The following THSD1 variants were observed in gnomAD, a reference collection of about 807,000 sequenced individuals.
THSD1 encodes the protein thrombospondin type 1 domain containing 1, also known as thrombospondin type-1 domain-containing protein 1.
A neutral mutation model predicts 46.3 loss-of-function variants in THSD1; 34 were observed. The observed-to-expected ratio is 0.74, with a 90% CI of 0.56 to 0.98. The LOEUF (loss-of-function observed/expected upper bound fraction) is 0.98, where lower values mean the gene tolerates loss of function less well. Ranked by LOEUF, THSD1 falls within the 50% of genes least tolerant of loss-of-function variation. THSD1 has a pLI of 0.00. For missense variants in THSD1, 1,023 were observed against 1,058.3 expected (o/e 0.97, Z 0.46); for synonymous variants, 407 against 416.5 (o/e 0.98, Z 0.28).
At chr13:52,400,662 G>A (rs1027096025) in intron 2 of THSD1, among the ~76,000 whole-genome samples, 3 of 152,074 alleles carry the variant, frequency 2.0e-5, no homozygotes, top group East Asian at 1.9e-4. Context: ...CCTGACTACT[G>A]TAATATACAG....
At chr13:52,380,042 C>T (rs914130485) in intron 4 of THSD1, among the ~76,000 whole-genome samples, 13 of 152,132 alleles carry the variant, frequency 8.5e-5, no homozygotes, top group Non-Finnish European at 2.9e-5. Context: ...CATTCTCTCT[C>T]TTCTATTTTC....
At position 52,386,291 on chromosome 13, in the gene THSD1, C is replaced by T. The variant is rs1957730192; in HGVS notation, c.1022-105G>A. 5 of 1,248,524 alleles carry T rather than the reference C, an allele frequency of 4.0e-6. No homozygotes were observed. The Admixed American group carries it at 1.1e-4, about 26-fold the overall frequency. 77.3% of individuals were successfully genotyped at this position (1,248,524 alleles called of 1,614,324 possible). On this transcript the variant is annotated intron_variant, in intron 3 of 4. Transcript: ENST00000258613. ...ACTCAAATCTCAGGTCTTGAAAAGC[C>T]CGTGAGTTAAAGCGTTCCCAGAGAT...
intron 4 of THSD1, among the ~76,000 whole-genome samples, chr13:52,384,821 G>C (rs1169190246): frequency 7.2e-5 from 11 of 151,936 alleles, no homozygotes; most frequent in Admixed American, 7.2e-4. Context: ...AAAGAAAAGA[G>C]CAGACAGAGA....
In THSD1 at chr13:52,377,602, G is replaced by A. The variant is rs1243021576; in HGVS notation, c.2368C>T (p.Leu790=). 4 of 1,604,720 alleles carry A rather than the reference G, an allele frequency of 2.5e-6. No individual in the cohort carries two copies. The change falls in exon 5 of 5, where the codon CTG becomes TTG. Residue 790 remains leucine, a synonymous_variant. Transcript: ENST00000258613. ...TCTTTTCTACACTGAGAAGGGCTCA[G>A]AGAACTGACCCTCTGGTAGTTATCT... ...PKDNYQRVSS[L]SPSQCRKDKC...
intron 4 of THSD1, among the ~76,000 whole-genome samples, chr13:52,379,554 A>G (rs1245831135): frequency 6.6e-6 from 1 of 151,764 alleles, no homozygotes; most frequent in Admixed American, 6.6e-5. Flanking sequence ...TCACTGCAAC[A>G]ACTTCCGCCT....
chr13:52,377,760 T>G lies in THSD1; in HGVS notation c.2210A>C (p.Lys737Thr), dbSNP rs375729189. 5.0e-6 allele frequency: 8 copies of G among 1,613,990 alleles called. No individual in the cohort carries two copies. In the African/African-American group the frequency reaches 9.3e-5, roughly 19 times the overall value. ...TGCCTGGTGATCCCCAAGGTCTGGT[T>G]TCCTCAAGGGCTGCCCCAAAGTGTA... is the stretch of plus-strand genomic sequence containing the variant. ...KSYTLGQPLR[K>T]PDLGDHQAGL... The change falls in exon 5 of 5, where the codon AAA becomes ACA. Residue 737 changes from lysine (K) to threonine (T), a missense_variant. Physicochemically the swap from Lys to Thr is moderately conservative, Grantham distance 78. Coordinates refer to ENST00000258613, the MANE Select transcript of THSD1 (RefSeq NM_018676.4).
Position 52,377,926 on chromosome 13 carries a change from T to C in THSD1, c.2044A>G (p.Ser682Gly). ...TLTPRQAPAY[S>G]SRTRTCEQAE... ...TGCTCGCAGGTCCGCGTCCTAGAGC[T>C]GTAGGCAGGGGCCTGCCGTGGAGTC... Residue 682 changes from serine (S) to glycine (G), a missense_variant, in exon 5 of 5, where the codon AGC becomes GGC. Physicochemically the swap from Ser to Gly is moderately conservative, Grantham distance 56 (BLOSUM62 0). Coordinates refer to ENST00000258613, the MANE Select transcript of THSD1 (RefSeq NM_018676.4). 11 of 1,614,152 alleles carry C rather than the reference T, an allele frequency of 6.8e-6. No individual in the cohort carries two copies. Among genetic ancestry groups the C allele is most frequent in the Non-Finnish European group, 9.3e-6 (11 of 1,180,038 alleles).
In THSD1 at chr13:52,402,697, C is replaced by G. The variant is rs1242710660; in HGVS notation, c.-81-16G>C. ...CCAAAAACACCTGAAATTAGAACCTCAAAAAATGATGGCTCCGTTCAATGT... is the reference window on the plus strand; with the variant it reads ...CCAAAAACACCTGAAATTAGAACCTGAAAAAATGATGGCTCCGTTCAATGT... On this transcript the variant is annotated splice_polypyrimidine_tract_variant and intron_variant, in intron 1 of 4. Transcript: ENST00000258613. The G allele has an allele frequency of 6.4e-7, 1 of 1,550,458 alleles. No individual in the cohort carries two copies. The highest frequency in any genetic ancestry group is 1.4e-5 in the African/African-American group (1 of 72,612).
Position 52,378,413 on chromosome 13 carries a change from G to T in THSD1, c.1557C>A (p.Asn519Lys). The change falls in exon 5 of 5, where the codon AAC (asparagine) becomes AAA (lysine). Residue 519 changes from asparagine to lysine, a missense_variant. By Grantham distance (94) the Asn-to-Lys change is moderately conservative (BLOSUM62 0). Coordinates refer to ENST00000258613, the MANE Select transcript of THSD1 (RefSeq NM_018676.4). ...ACAGAGGTGGGATTATCTTCTGGGCGTTGGACTGGAAGCTCTCGCTGCCAG... is the reference window on the plus strand; with the variant it reads ...ACAGAGGTGGGATTATCTTCTGGGCTTTGGACTGGAAGCTCTCGCTGCCAG... ...DASGSESFQSNAQKIIPPLFS... is the reference protein window; with the variant it reads ...DASGSESFQSKAQKIIPPLFS... 6.2e-7 allele frequency: 1 copy of T among 1,614,076 alleles called. No homozygotes were observed. The highest frequency in any genetic ancestry group is 1.1e-5 in the South Asian group (1 of 91,076).
At chr13:52,379,254 A>C (rs1308021067) in intron 4 of THSD1, among the ~76,000 whole-genome samples, 1 of 152,186 alleles carries the variant, frequency 6.6e-6, no homozygotes, top group East Asian at 1.9e-4. Context: ...GAATGATGGA[A>C]AATAAACAAG....
At chr13:52,393,567 A>G (rs1488549791) in intron 3 of THSD1, among the ~76,000 whole-genome samples, 1 of 152,188 alleles carries the variant, frequency 6.6e-6, no homozygotes, top group Non-Finnish European at 1.5e-5. Context: ...CTGAGGCAGG[A>G]GAATTGCTAG....
At position 52,397,700 on chromosome 13, in the gene THSD1, G is replaced by T. The variant is rs1354431196; in HGVS notation, c.553C>A (p.Pro185Thr). 6.2e-7 allele frequency: 1 copy of T among 1,614,170 alleles called. No individual in the cohort carries two copies. Among genetic ancestry groups the T allele is most frequent in the African/African-American group, 1.3e-5 (1 of 75,038 alleles). Reference sequence around the variant, plus strand: ...CTTTTGCTGGTTCTTATTTCCAGCGGCTGTCTTGAATTTCTTCTTGCCTCA... The same window carrying T: ...CTTTTGCTGGTTCTTATTTCCAGCGTCTGTCTTGAATTTCTTCTTGCCTCA... ...LPEARRNSRQ[P>T]LEIRTSKRTE... The change falls in exon 3 of 5, where the codon CCG becomes ACG. Residue 185 changes from proline (P) to threonine (T), a missense_variant. Pro to Thr is a conservative substitution (Grantham distance 38, BLOSUM62 -1). Coordinates refer to ENST00000258613, the MANE Select transcript of THSD1 (RefSeq NM_018676.4).
intron 2 of THSD1, among the ~76,000 whole-genome samples, chr13:52,400,351 A>G (rs563728544): frequency 7.9e-5 from 12 of 152,166 alleles, no homozygotes; most frequent in Non-Finnish European, 1.5e-4. Context: ...TAATCTCAGC[A>G]CTTTGGGAGG....
Position 52,377,200 on chromosome 13 carries a change from ACTAATAAATCAATAGAAATT to A in THSD1, c.*191_*210del. The A allele has an allele frequency of 7.7e-7, 1 of 1,294,406 alleles. No homozygotes were observed. 80.2% of individuals were successfully genotyped at this position (1,294,406 alleles called of 1,614,324 possible). On this transcript the variant is annotated 3_prime_UTR_variant, in exon 5 of 5. Coordinates refer to ENST00000258613, the MANE Select transcript of THSD1 (RefSeq NM_018676.4). ...TTTACATTTTATTATCATTGTTATT[ACTAATAAATCAATAGAAATT>A]GAATAACAAAGGAAAAAGCTCAAGA...
intron 3 of THSD1, among the ~76,000 whole-genome samples, chr13:52,396,165 A>G (rs773723830): frequency 6.6e-6 from 1 of 152,166 alleles, no homozygotes; most frequent in Non-Finnish European, 1.5e-5. Flanking sequence ...ATTTGCAGCA[A>G]GGAACACTGG....
chr13:52,379,602 G>C (rs1957675728), intron 4 of THSD1, among the ~76,000 whole-genome samples: 1 of 152,078 alleles, frequency 6.6e-6, no homozygotes, highest in South Asian at 2.1e-4. Flanking sequence ...AGCCTCCTGA[G>C]TAGCTGGAAC....
intron 3 of THSD1, 119 bp downstream of exon 3, chr13:52,397,113 T>C (rs375161018): frequency 1.1e-6 from 1 of 902,974 alleles, no homozygotes. Context: ...AATTGGTACA[T>C]TATAAGGCAT....
Position 52,378,242 on chromosome 13 carries a change from G to A in THSD1, c.1728C>T (p.Ser576=). 1 of 1,614,188 alleles carries A rather than the reference G, an allele frequency of 6.2e-7. No homozygotes were observed. Among genetic ancestry groups the A allele is most frequent in the Non-Finnish European group, 8.5e-7 (1 of 1,180,036 alleles). The change falls in exon 5 of 5, where the codon AGC becomes AGT. Residue 576 remains serine (S), a synonymous_variant. Transcript: ENST00000258613. ...ACTTGTTTGCTGCAGCTTCTTCCGG[G>A]CTTTCCAAATCTAAGGGAGCGCTGG... ...AAPSAPLDLE[S]PEEAAANKFR...
intron 3 of THSD1, among the ~76,000 whole-genome samples, chr13:52,396,900 T>A (rs1433586162): frequency 6.6e-6 from 1 of 152,196 alleles, no homozygotes; most frequent in Non-Finnish European, 1.5e-5. Context: ...AATGGGATTT[T>A]AAAAATCTAA....
Sources: gnomAD v4.1 joint callset for allele counts (sites outside exome capture counted in the v4.1 genomes callset) on GRCh38, gnomAD v4.1.1 for gene constraint, MANE v1.5 for transcripts, NCBI Gene and HGNC (gene_info 2026-07-23, HGNC 2026-07-21) for gene names.